ZNF385D: variants seen among roughly 807,000 people sequenced by gnomAD.
The protein encoded by ZNF385D is zinc finger protein 385D, also known as zinc finger protein 659.
In ZNF385D, 15 loss-of-function variants were observed where a neutral mutation model predicts 35.8. The observed-to-expected ratio is 0.42, with a 90% CI of 0.28 to 0.64. The LOEUF is 0.64. Among genes scored for constraint, ZNF385D ranks in the 30% least tolerant of loss-of-function variants. The pLI is 0.23. For synonymous variants in ZNF385D, 212 were observed against 186.8 expected, an observed-to-expected ratio of 1.13 and a Z score of -1.10; for missense variants, 474 against 494.6, an observed-to-expected ratio of 0.96 and a Z score of 0.39.
rs544427669 is a variant in ZNF385D, at chr3:21,520,519, T to C, written c.277-9496A>G. On this transcript the variant is annotated intron_variant, in intron 3 of 7. Coordinates refer to ENST00000281523, the MANE Select transcript of ZNF385D (RefSeq NM_024697.3). ...ACTTCGCCTTATCTGTTGAACACACTTCAGGGGATTTTTATGGCACTTAAT... is the reference window on the plus strand; with the variant it reads ...ACTTCGCCTTATCTGTTGAACACACCTCAGGGGATTTTTATGGCACTTAAT... 8.5e-5 allele frequency among the ~76,000 whole-genome samples: 13 copies of C among 152,316 alleles called. No homozygotes were observed. The South Asian group carries it at 2.7e-3, about 32-fold the overall frequency.
intron 2 of ZNF385D, among the ~76,000 whole-genome samples, chr3:22,334,585 G>A (rs1433953795): frequency 6.6e-6 from 1 of 152,064 alleles, no homozygotes; most frequent in East Asian, 1.9e-4. Context: ...GTCTGAAAAA[G>A]TTATCATCTG....
intron 2 of ZNF385D, among the ~76,000 whole-genome samples, chr3:22,254,881 T>A (rs1461436856): frequency 6.6e-6 from 1 of 151,828 alleles, no homozygotes; most frequent in African/African-American, 2.4e-5. Context: ...TTATCAGTCC[T>A]CTCTGATCAC....
At chr3:21,820,009 A>G (rs181301002) in intron 3 of ZNF385D, among the ~76,000 whole-genome samples, 2 of 151,112 alleles carry the variant, frequency 1.3e-5, no homozygotes. Flanking sequence ...CATAATACAC[A>G]CAAAGCATTT....
rs1400514788 is a variant in ZNF385D at position 21,964,424 on chromosome 3, AAAAAAAAAG to A, written c.325+204384_325+204392del. On this transcript the variant is annotated intron_variant, in intron 3 of 5. Coordinates refer to the ZNF385D transcript ENST00000494108. ...TTGGTCCTTTTTGTAAAAAAAAAAA[AAAAAAAAAG>A]AAAAAAAAAAAAAGAAAAAGATGTC... is the stretch of plus-strand genomic sequence containing the variant. 1.1e-4 allele frequency among the ~76,000 whole-genome samples: 10 copies of A among 91,060 alleles called. No homozygotes were observed. The East Asian group carries it at 2.4e-3, about 22-fold the overall frequency. The allele number at this position is 91,060 out of a possible 152,430, so 59.7% of individuals were successfully genotyped here.
intron 3 of ZNF385D, among the ~76,000 whole-genome samples, chr3:21,894,658 G>T: frequency 6.6e-6 from 1 of 152,038 alleles, no homozygotes; most frequent in East Asian, 1.9e-4. Flanking sequence ...TGGTATATGG[G>T]CTCCCTCCAG....
chr3:21,677,025 A>G (rs2066750149), intron 1 of ZNF385D, among the ~76,000 whole-genome samples: 1 of 152,080 alleles, frequency 6.6e-6, no homozygotes, highest in Non-Finnish European at 1.5e-5. Flanking sequence ...AGGGTTAAGG[A>G]GCTATCACCA....
In ZNF385D at chr3:21,688,477, GA is replaced by G. The variant is rs1421366909; in HGVS notation, c.23-23450del. 2.0e-5 allele frequency among the ~76,000 whole-genome samples: 3 copies of G among 152,102 alleles called. No homozygotes were observed. In the East Asian group the frequency reaches 5.8e-4, roughly 29 times the overall value. On this transcript the variant is annotated intron_variant, in intron 1 of 7. Coordinates refer to ENST00000281523, the MANE Select transcript of ZNF385D (RefSeq NM_024697.3). ...GGAAGGAAAAGATCATGAATACTAT[GA>G]GACACATAATGACATTATTCATTAA...
At chr3:22,200,916 C>G (rs888698787) in intron 2 of ZNF385D, among the ~76,000 whole-genome samples, 2 of 152,148 alleles carry the variant, frequency 1.3e-5, no homozygotes, top group African/African-American at 4.8e-5. Context: ...CTTGTTCCCT[C>G]AACACTGCTG....
chr3:22,030,288 T>C (rs1559316623), intron 3 of ZNF385D, among the ~76,000 whole-genome samples: 1 of 101,458 alleles, frequency 9.9e-6, no homozygotes, highest in African/African-American at 4.1e-5. Flanking sequence ...TATATATATA[T>C]ATATATATAT....
intron 7 of ZNF385D, among the ~76,000 whole-genome samples, chr3:21,421,840 G>A (rs1700753864): frequency 6.6e-6 from 1 of 152,134 alleles, no homozygotes. Flanking sequence ...GCTGTCAAAT[G>A]CCATTCGACT....
intron 3 of ZNF385D, among the ~76,000 whole-genome samples, chr3:21,845,715 T>C (rs933599742): frequency 6.6e-6 from 1 of 151,970 alleles, no homozygotes; most frequent in Non-Finnish European, 1.5e-5. Flanking sequence ...ATCAGGATCT[T>C]CAGTGAGAAG....
intron 3 of ZNF385D, among the ~76,000 whole-genome samples, chr3:21,774,225 A>T (rs2071196061): frequency 6.6e-6 from 1 of 151,846 alleles, no homozygotes; most frequent in Non-Finnish European, 1.5e-5. Flanking sequence ...TGATGAGAAG[A>T]CATGGACACA....
chr3:21,804,695 C>T (rs1169861133), intron 3 of ZNF385D, among the ~76,000 whole-genome samples: 1 of 152,004 alleles, frequency 6.6e-6, no homozygotes, highest in Non-Finnish European at 1.5e-5. Context: ...TATTATTTAC[C>T]TAATTTAAAC....
At chr3:22,148,287 T>C (rs1348443851) in intron 3 of ZNF385D, among the ~76,000 whole-genome samples, 1 of 152,226 alleles carries the variant, frequency 6.6e-6, no homozygotes, top group African/African-American at 2.4e-5. Context: ...AAAAGTCTTA[T>C]ACTTAAGTAG....
At chr3:22,322,948 ACCT>A (rs1030580602) in intron 2 of ZNF385D, among the ~76,000 whole-genome samples, 1 of 152,128 alleles carries the variant, frequency 6.6e-6, no homozygotes, top group African/African-American at 2.4e-5. Flanking sequence ...TTGCTATGGC[ACCT>A]TAAATGGATT....
chr3:22,097,502 G>T (rs970910756), intron 3 of ZNF385D, among the ~76,000 whole-genome samples: 1 of 152,066 alleles, frequency 6.6e-6, no homozygotes, highest in East Asian at 1.9e-4. Context: ...CTGACAGTAA[G>T]GTATAAGTAG....
chr3:21,604,414 A>T (rs748664954), intron 2 of ZNF385D, among the ~76,000 whole-genome samples: 1 of 152,226 alleles, frequency 6.6e-6, no homozygotes, highest in Admixed American at 6.5e-5. Flanking sequence ...GGGAAGTGAC[A>T]TGATTGAAGT....
intron 3 of ZNF385D, among the ~76,000 whole-genome samples, chr3:21,850,664 G>C (rs899362323): frequency 6.6e-6 from 1 of 152,102 alleles, no homozygotes; most frequent in Admixed American, 6.6e-5. Context: ...AAATTGAACA[G>C]AACTCACACG....
chr3:22,208,177 G>A (rs1392256215), intron 2 of ZNF385D, among the ~76,000 whole-genome samples: 1 of 151,876 alleles, frequency 6.6e-6, no homozygotes, highest in Non-Finnish European at 1.5e-5. Flanking sequence ...GCCAATATTT[G>A]AAAACAATCT....
Sources: gnomAD v4.1 joint callset for allele counts (sites outside exome capture counted in the v4.1 genomes callset) on GRCh38, gnomAD v4.1.1 for gene constraint, MANE v1.5 for transcripts, NCBI Gene and HGNC (gene_info 2026-07-23, HGNC 2026-07-21) for gene names.